Variants in CA5A observed in about 807,000 individuals in gnomAD.
CA5A encodes carbonic anhydrase 5A, mitochondrial.
Under a neutral mutation model 37.1 loss-of-function variants are expected in CA5A, and 28 were observed. The ratio of observed to expected loss-of-function variants is 0.75; its 90% CI spans 0.56 to 1.03. CA5A has a LOEUF of 1.03. CA5A is among the 50% of genes least tolerant of loss of function. The pLI is 0.00. For missense variants in CA5A, 444 were observed against 399.9 expected, an observed-to-expected ratio of 1.11 and a Z score of -0.94; for synonymous variants, 171 against 158.4, an observed-to-expected ratio of 1.08 and a Z score of -0.60.
chr16:87,899,884 C>A (rs1434431832), intron 5 of CA5A, among the ~76,000 whole-genome samples: 11 of 129,480 alleles, frequency 8.5e-5, no homozygotes, highest in African/African-American at 3.2e-4. Flanking sequence ...CGCACCATTG[C>A]ACTCCAGCCT....
chr16:87,936,205 G>T (rs1440771408), intron 1 of CA5A, 104 bp downstream of exon 1: 66 of 627,096 alleles, frequency 1.1e-4, no homozygotes, highest in Middle Eastern at 2.9e-4. Flanking sequence ...GTGGAAATCT[G>T]AACCCATCTG....
chr16:87,901,406 T>C (rs1286432142), intron 5 of CA5A, among the ~76,000 whole-genome samples: 2 of 152,136 alleles, frequency 1.3e-5, no homozygotes, highest in African/African-American at 4.8e-5. Context: ...TGGTGATGCA[T>C]TCGAAGTCAG....
downstream of CA5A, chr16:87,885,376 T>C (rs1357331942): frequency 6.5e-6 from 1 of 152,730 alleles, no homozygotes; most frequent in Non-Finnish European, 1.5e-5. Flanking sequence ...TGAAAGAGGA[T>C]ATGCAGACGG....
At chr16:87,912,425 C>T (rs1379064210) in intron 2 of CA5A, among the ~76,000 whole-genome samples, 2 of 152,232 alleles carry the variant, frequency 1.3e-5, no homozygotes, top group African/African-American at 2.4e-5. Flanking sequence ...GTGAGACCTG[C>T]ACGTAAAGAC....
Position 87,891,951 on chromosome 16 carries a change from C to A in CA5A, c.622G>T (p.Ala208Ser). 6.5e-7 allele frequency: 1 copy of A among 1,534,222 alleles called. No individual in the cohort carries two copies. Among genetic ancestry groups the A allele is most frequent in the East Asian group, 2.6e-5 (1 of 39,048 alleles). Reference protein sequence around the residue: ...DILPEIKHKDARAAMRPFDPS... With the variant: ...DILPEIKHKDSRAAMRPFDPS... ...TCGAAGGGGCGCATGGCCGCCCGCG[C>A]GTCCTGAGAGACCGAGAAGCACAGG... Residue 208 changes from alanine (A) to serine (S), a missense_variant, in exon 6 of 7, where the codon GCG becomes TCG. By Grantham distance (99) the Ala-to-Ser change is moderately conservative (BLOSUM62 1). Transcript: ENST00000649794.
Position 87,911,199 on chromosome 16 carries a change from C to T in CA5A, c.341-6295G>A, listed in dbSNP as rs964653776. 2.0e-5 allele frequency among the ~76,000 whole-genome samples: 3 copies of T among 152,018 alleles called. No individual in the cohort carries two copies. The highest frequency in any genetic ancestry group is 7.3e-5 in the African/African-American group (3 of 41,364). ...GACTCTGCTATCAGCAGGGCTGGTC[C>T]ACCGGGCAGCACTGGCCACTGTTGC... is the stretch of plus-strand genomic sequence containing the variant. On this transcript the variant is annotated intron_variant, in intron 2 of 6. Transcript: ENST00000649794. This position sits in a 1 kb window ranked among gnomAD's most constrained non-coding sequence, Gnocchi z 4.6.
intron 2 of CA5A, among the ~76,000 whole-genome samples, chr16:87,913,759 G>A (rs1431262939): frequency 2.0e-5 from 3 of 151,790 alleles, no homozygotes; most frequent in Admixed American, 6.6e-5. Flanking sequence ...ACTCGTCCCC[G>A]GTCTTGCACA....
chr16:87,910,226 G>A (rs188164761), intron 2 of CA5A, among the ~76,000 whole-genome samples: 6 of 152,328 alleles, frequency 3.9e-5, no homozygotes, highest in East Asian at 3.9e-4. Flanking sequence ...ATGAGCTCAC[G>A]TCGTTGTCGT....
intron 1 of CA5A, among the ~76,000 whole-genome samples, chr16:87,933,472 G>C (rs2056433772): frequency 6.6e-6 from 1 of 152,170 alleles, no homozygotes; most frequent in African/African-American, 2.4e-5. Flanking sequence ...AAATTCCTGG[G>C]GTCAGTGATC....
chr16:87,924,062 C>G (rs2056267539), intron 2 of CA5A: 1 of 985,456 alleles, frequency 1.0e-6, no homozygotes, highest in Non-Finnish European at 1.2e-6. Flanking sequence ...CCATTGGCAA[C>G]TGAATAAATG....
chr16:87,915,150 C>A (rs1204288357), intron 2 of CA5A, among the ~76,000 whole-genome samples: 1 of 152,180 alleles, frequency 6.6e-6, no homozygotes, highest in African/African-American at 2.4e-5. Context: ...ACCACACTCG[C>A]CTTTGATCGC....
intron 2 of CA5A, among the ~76,000 whole-genome samples, chr16:87,917,104 C>CAAAA (rs762381468): frequency 9.1e-5 from 6 of 65,876 alleles, no homozygotes; most frequent in African/African-American, 2.3e-4. Context: ...GAGTCTGTCT[C>CAAAA]AAAAAAAAAA....
At chr16:87,907,614 T>C (rs1432166593) in intron 2 of CA5A, among the ~76,000 whole-genome samples, 1 of 152,130 alleles carries the variant, frequency 6.6e-6, no homozygotes, top group African/African-American at 2.4e-5. Context: ...TCCCATCCAG[T>C]TGCACTCTTA....
chr16:87,914,011 C>T (rs528584234), intron 2 of CA5A, among the ~76,000 whole-genome samples: 13 of 152,328 alleles, frequency 8.5e-5, no homozygotes, highest in East Asian at 3.9e-4. Context: ...CTTATTTCCC[C>T]GATGACCTTT....
chr16:87,904,841 G>T lies in CA5A; in HGVS notation c.404C>A (p.Ala135Glu). 1.2e-6 allele frequency: 2 copies of T among 1,613,514 alleles called. No individual in the cohort carries two copies. The highest frequency in any genetic ancestry group is 1.7e-6 in the Non-Finnish European group (2 of 1,179,462). Reference sequence around the variant, plus strand: ...GTGCTCTGAGCCCCCCTCGTTCACTGCTCCCCAGTGGAAGTGAAATTGCTT... The same window carrying T: ...GTGCTCTGAGCCCCCCTCGTTCACTTCTCCCCAGTGGAAGTGAAATTGCTT... Reference protein sequence around the residue: ...RLKQFHFHWGAVNEGGSEHTV... With the variant: ...RLKQFHFHWGEVNEGGSEHTV... Residue 135 changes from alanine to glutamate, a missense_variant, in exon 3 of 7, where the codon GCA becomes GAA. Ala to Glu is a moderately radical substitution (Grantham distance 107). Transcript: ENST00000649794.
At chr16:87,888,730 T>C in intron 6 of CA5A, among the ~76,000 whole-genome samples, 1 of 152,144 alleles carries the variant, frequency 6.6e-6, no homozygotes, top group Non-Finnish European at 1.5e-5. Flanking sequence ...AAGGAAACTA[T>C]GGGAGATAAT....
chr16:87,891,476 A>AAAAAGG (rs1188849517), intron 6 of CA5A, among the ~76,000 whole-genome samples: 1 of 151,894 alleles, frequency 6.6e-6, no homozygotes, highest in Non-Finnish European at 1.5e-5. Context: ...TCAAAAAAAA[A>AAAAAGG]AAAGGAAAGA....
At chr16:87,926,653 C>A (rs766384286) in intron 2 of CA5A, 95 bp downstream of exon 2, 1 of 965,722 alleles carries the variant, frequency 1.0e-6, no homozygotes. Flanking sequence ...AAAGCAGCAC[C>A]TTCCTGCTCT....
In CA5A at chr16:87,904,806, C is replaced by G. The variant is rs1226444061; in HGVS notation, c.439G>C (p.Gly147Arg). ...CAAACCTCTGCGGGGTACGCGTGGCCGTCCACTGTGTGCTCTGAGCCCCCC... is the reference window on the plus strand; with the variant it reads ...CAAACCTCTGCGGGGTACGCGTGGCGGTCCACTGTGTGCTCTGAGCCCCCC... ...NEGGSEHTVD[G>R]HAYPAELHLV... The change falls in exon 3 of 7, where the codon GGC (glycine) becomes CGC (arginine). Residue 147 changes from glycine to arginine, a missense_variant. By Grantham distance (125) the Gly-to-Arg change is moderately radical (BLOSUM62 -2). Coordinates refer to ENST00000649794, the MANE Select transcript of CA5A (RefSeq NM_001739.2). 1 of 1,609,256 alleles carries G rather than the reference C, an allele frequency of 6.2e-7. No individual in the cohort carries two copies.
Sources: allele counts gnomAD v4.1 joint callset (sites outside exome capture counted in the v4.1 genomes callset), GRCh38; gene constraint gnomAD v4.1.1; non-coding constraint Gnocchi (gnomAD v3.1); transcripts MANE v1.5; gene names NCBI Gene and HGNC (gene_info 2026-07-23, HGNC 2026-07-21).